Variants in B9D1 observed in about 807,000 individuals in gnomAD.
B9D1 encodes B9 domain containing 1.
B9D1 carries 20 observed loss-of-function variants against 26.1 expected under a neutral mutation model. The ratio of observed to expected loss-of-function variants is 0.77; its 90% CI spans 0.54 to 1.12. The LOEUF (loss-of-function observed/expected upper bound fraction) is 1.12. B9D1 is among the 50% of genes most tolerant of loss of function. The pLI, the probability that B9D1 is intolerant of heterozygous loss-of-function variation, is 0.00. For synonymous variants in B9D1, 105 were observed against 103.1 expected, an observed-to-expected ratio of 1.02 and a Z score of -0.11; for missense variants, 260 against 273.7, an observed-to-expected ratio of 0.95 and a Z score of 0.35.
At chr17:19,348,472 G>A (rs9895623) in intron 3 of B9D1, among the ~76,000 whole-genome samples, 1,624 of 152,290 alleles carry the variant, frequency 0.011, 22 homozygotes, top group African/African-American at 0.035. Flanking sequence ...ACTAGGAGCC[G>A]GCCTGACAGG....
chr17:19,343,109 C>T, downstream of B9D1: 1 of 1,423,718 alleles, frequency 7.0e-7, no homozygotes. Flanking sequence ...CCAGGAAAGG[C>T]CCAAGAGCCC....
chr17:19,348,467 G>C (rs1909157645), intron 3 of B9D1, among the ~76,000 whole-genome samples: 1 of 152,208 alleles, frequency 6.6e-6, no homozygotes, highest in Non-Finnish European at 1.5e-5. Flanking sequence ...GAGGGACTAG[G>C]AGCCGGCCTG....
chr17:19,344,472 G>GCGGGAGGC (rs1246088967), intron 5 of B9D1: 3 of 270,654 alleles, frequency 1.1e-5, no homozygotes, highest in Non-Finnish European at 2.3e-5. Flanking sequence ...GTTGGGCCAG[G>GCGGGAGGC]CGGGAGGCCA....
At chr17:19,369,352 G>A (rs933237665) in intron 1 of B9D1, among the ~76,000 whole-genome samples, 4 of 152,232 alleles carry the variant, frequency 2.6e-5, no homozygotes, top group Non-Finnish European at 4.4e-5. Context: ...CCAGGGCCGC[G>A]TTCGGTGTGT....
At chr17:19,341,735 G>A (rs1048414531), downstream of B9D1, among the ~76,000 whole-genome samples, 5 of 152,186 alleles carry the variant, frequency 3.3e-5, no homozygotes, top group Admixed American at 2.6e-4. Flanking sequence ...GCAGGTGCAG[G>A]GCAGGCGAAG....
chr17:19,344,474 G>A lies in B9D1; in HGVS notation c.405-617C>T, dbSNP rs537125343. On this transcript the variant is annotated intron_variant, in intron 5 of 6. Transcript: ENST00000261499. ...GCCCCAGACCCCAGTTGGGCCAGGCGGGAGGCCAGGAGGCCGGGGGTGTCA... is the reference window on the plus strand; with the variant it reads ...GCCCCAGACCCCAGTTGGGCCAGGCAGGAGGCCAGGAGGCCGGGGGTGTCA... The A allele has an allele frequency of 1.2e-4, 34 of 272,156 alleles. No homozygotes were observed. The East Asian group carries it at 1.5e-3, about 12-fold the overall frequency. The allele number at this position is 272,156 out of a possible 1,614,324, so 16.9% of individuals were successfully genotyped here. A position where few individuals can be genotyped will look rare whatever the true frequency, so the allele number is the denominator to read the frequency against.
chr17:19,336,675 CTTAT>C (rs1907475770), downstream of B9D1: 1 of 152,730 alleles, frequency 6.5e-6, no homozygotes, highest in Admixed American at 6.5e-5. Flanking sequence ...ACTGTTGATA[CTTAT>C]TTACTGTATA....
chr17:19,343,454 A>C lies in B9D1; in HGVS notation c.480T>G (p.Arg160=), dbSNP rs747138868. The C allele has an allele frequency of 4.8e-5, 78 of 1,614,080 alleles. No individual in the cohort carries two copies. Among genetic ancestry groups the C allele is most frequent in the Non-Finnish European group, 6.4e-5 (76 of 1,180,024 alleles). Residue 160 remains arginine, a synonymous_variant, in exon 7 of 7, where the codon CGT becomes CGG. Transcript: ENST00000261499. ...VAQGEGREVT[R]VRSQGFVTLL... The stretch of plus-strand genomic sequence containing the variant: ...GGGTGACAAAGCCCTGAGAACGGAC[A>C]CGGGTCACTGGGGACAGAAGGGCAG...
At position 19,360,404 on chromosome 17, in the gene B9D1, A is replaced by T. The variant is rs753496392; in HGVS notation, c.64-16T>A. 1 of 1,612,562 alleles carries T rather than the reference A, an allele frequency of 6.2e-7. No homozygotes were observed. Among genetic ancestry groups the T allele is most frequent in the Non-Finnish European group, 8.5e-7 (1 of 1,178,980 alleles). Reference sequence around the variant, plus strand: ...ACTCTGGAAACTGAAAAAAGCACAGACAGATTCTGTCGACTGGTATTCATG... The same window carrying T: ...ACTCTGGAAACTGAAAAAAGCACAGTCAGATTCTGTCGACTGGTATTCATG... On this transcript the variant is annotated splice_polypyrimidine_tract_variant and intron_variant, in intron 1 of 6. Coordinates refer to ENST00000261499, the MANE Select transcript of B9D1 (RefSeq NM_015681.6).
At chr17:19,341,562 G>T (rs1182342189), downstream of B9D1, among the ~76,000 whole-genome samples, 1 of 152,202 alleles carries the variant, frequency 6.6e-6, no homozygotes, top group East Asian at 1.9e-4. Context: ...GTGGTTGTGG[G>T]AACAGAAGGG....
chr17:19,343,315 G>A lies in B9D1; in HGVS notation c.*4C>T, dbSNP rs1908205865. ...TATCAGAGACTGTGCAGCCTGTGGAGCCTTCACTGGGGGAAGCTCTGGGGT... is the reference window on the plus strand; with the variant it reads ...TATCAGAGACTGTGCAGCCTGTGGAACCTTCACTGGGGGAAGCTCTGGGGT... On this transcript the variant is annotated 3_prime_UTR_variant, in exon 7 of 7. Coordinates refer to ENST00000261499, the MANE Select transcript of B9D1 (RefSeq NM_015681.6). 1 of 1,614,186 alleles carries A rather than the reference G, an allele frequency of 6.2e-7. No individual in the cohort carries two copies. The highest frequency in any genetic ancestry group is 8.5e-7 in the Non-Finnish European group (1 of 1,180,028).
In B9D1 at chr17:19,347,808, A is replaced by T; in HGVS notation, c.317T>A (p.Val106Glu). The T allele has an allele frequency of 1.2e-6, 2 of 1,613,908 alleles. No individual in the cohort carries two copies. The highest frequency in any genetic ancestry group is 2.2e-5 in the East Asian group (1 of 44,838). ...CCGGCCAGGTGAGAAGGGCACGTGC[A>T]CGGCCCCATAGCCTCGAACCACATC... Reference protein sequence around the residue: ...GNDVVRGYGAVHVPFSPGRHK... With the variant: ...GNDVVRGYGAEHVPFSPGRHK... The change falls in exon 4 of 7, where the codon GTG becomes GAG. Residue 106 changes from valine (V) to glutamate (E), a missense_variant. Physicochemically the swap from Val to Glu is moderately radical, Grantham distance 121. Transcript: ENST00000261499. This position sits in a 1 kb window ranked among gnomAD's most constrained non-coding sequence, Gnocchi z 4.3.
At chr17:19,376,637 A>AC (rs1464495862) in intron 1 of B9D1, among the ~76,000 whole-genome samples, 5 of 146,522 alleles carry the variant, frequency 3.4e-5, no homozygotes, top group Non-Finnish European at 7.5e-5. Context: ...AAAAAAAAAA[A>AC]AAAAAAAAAA....
chr17:19,354,251 G>A (rs916214569), intron 3 of B9D1, among the ~76,000 whole-genome samples: 1 of 152,020 alleles, frequency 6.6e-6, no homozygotes, highest in Admixed American at 6.6e-5. Flanking sequence ...CAATGTACTG[G>A]CGCTGACTCA....
At chr17:19,367,387 C>T (rs193189559), upstream of B9D1, among the ~76,000 whole-genome samples, 1 of 149,940 alleles carries the variant, frequency 6.7e-6, no homozygotes, top group East Asian at 2.0e-4. Context: ...TCTCGGCTCA[C>T]TGCAACCTCT....
intron 3 of B9D1, among the ~76,000 whole-genome samples, chr17:19,348,303 T>C (rs1306052498): frequency 6.6e-6 from 1 of 152,080 alleles, no homozygotes; most frequent in Non-Finnish European, 1.5e-5. Context: ...TTTGGGGGTG[T>C]CTAGAAGTCA....
chr17:19,360,297 G>A, intron 2 of B9D1, 23 bp downstream of exon 2: 1 of 1,611,916 alleles, frequency 6.2e-7, no homozygotes, highest in Non-Finnish European at 8.5e-7. Flanking sequence ...AGGCGGTAAG[G>A]GAGGCCCAAG....
At chr17:19,335,157 AGAT>A (rs986647162), downstream of B9D1, 12 of 352,040 alleles carry the variant, frequency 3.4e-5, no homozygotes, top group Non-Finnish European at 4.6e-5. Flanking sequence ...GATTACACAT[AGAT>A]GATGATGTTT....
At position 19,347,069 on chromosome 17, in the gene B9D1, GC is replaced by G; in HGVS notation, c.404+199del. 3 of 1,551,118 alleles carry G rather than the reference GC, an allele frequency of 1.9e-6. No individual in the cohort carries two copies. The highest frequency in any genetic ancestry group is 2.6e-6 in the Non-Finnish European group (3 of 1,147,578). ...TTTTCACAGGGCACAGGGTAAAATC[GC>G]CCGGCCTTCTGCTGCTGGAACAGGG... On this transcript the variant is annotated intron_variant, in intron 5 of 6. Coordinates refer to ENST00000261499, the MANE Select transcript of B9D1 (RefSeq NM_015681.6). The surrounding 1 kb of genome is among the most constrained non-coding windows in gnomAD (Gnocchi z 4.3).
Sources: gnomAD v4.1 joint callset for allele counts (sites outside exome capture counted in the v4.1 genomes callset) on GRCh38, gnomAD v4.1.1 for gene constraint, Gnocchi (gnomAD v3.1) non-coding constraint, MANE v1.5 for transcripts, NCBI Gene and HGNC (gene_info 2026-07-23, HGNC 2026-07-21) for gene names.